Variants in VWC2L observed in about 807,000 individuals in gnomAD.
VWC2L encodes von Willebrand factor C domain containing 2 like.
Under a neutral mutation model 21.6 loss-of-function variants are expected in VWC2L, and 10 were observed. That is an observed-to-expected ratio of 0.46 (90% CI 0.29 to 0.78). The LOEUF is 0.78. Among genes scored for constraint, VWC2L ranks in the 30% least tolerant of loss-of-function variants. VWC2L has a pLI of 0.10. For synonymous variants in VWC2L, 96 were observed against 94.3 expected, an observed-to-expected ratio of 1.02 and a Z score of -0.10; for missense variants, 209 against 277.1, an observed-to-expected ratio of 0.75 and a Z score of 1.74.
chr2:214,543,400 G>A (rs1689658066), intron 3 of VWC2L, among the ~76,000 whole-genome samples: 1 of 152,140 alleles, frequency 6.6e-6, no homozygotes, highest in Non-Finnish European at 1.5e-5. Flanking sequence ...GAATTATAGG[G>A]AAAAGCTAAT....
At chr2:214,432,231 G>A (rs1702610854) in intron 2 of VWC2L, among the ~76,000 whole-genome samples, 1 of 152,190 alleles carries the variant, frequency 6.6e-6, no homozygotes, top group Non-Finnish European at 1.5e-5. Context: ...TATCTGTCAT[G>A]TGCTAAGATG....
intron 2 of VWC2L, among the ~76,000 whole-genome samples, chr2:214,421,288 G>A (rs1328866935): frequency 6.6e-6 from 1 of 152,170 alleles, no homozygotes; most frequent in East Asian, 1.9e-4. Context: ...TTCTAAAAGA[G>A]AGTAGAATTA....
At chr2:214,551,976 T>A (rs1179510494) in intron 3 of VWC2L, among the ~76,000 whole-genome samples, 1 of 152,242 alleles carries the variant, frequency 6.6e-6, no homozygotes, top group Non-Finnish European at 1.5e-5. Flanking sequence ...AACTTACCTG[T>A]CCCCATCCTT....
chr2:214,472,607 G>T (rs1291855333), intron 3 of VWC2L, among the ~76,000 whole-genome samples: 1 of 152,152 alleles, frequency 6.6e-6, no homozygotes, highest in Non-Finnish European at 1.5e-5. Flanking sequence ...TTGATACAGA[G>T]CATTACCCAA....
chr2:214,535,581 C>T (rs1464458104), intron 3 of VWC2L, among the ~76,000 whole-genome samples: 1 of 152,026 alleles, frequency 6.6e-6, no homozygotes, highest in Non-Finnish European at 1.5e-5. Context: ...CAGCACTGTG[C>T]TTATAAACCA....
chr2:214,483,619 C>T (rs1476130473), intron 3 of VWC2L, among the ~76,000 whole-genome samples: 3 of 152,198 alleles, frequency 2.0e-5, no homozygotes, highest in Non-Finnish European at 4.4e-5. Flanking sequence ...AAATAGATCA[C>T]TGCTTCCTGT....
At chr2:214,522,171 C>T (rs1689251280) in intron 3 of VWC2L, among the ~76,000 whole-genome samples, 1 of 152,000 alleles carries the variant, frequency 6.6e-6, no homozygotes, top group Non-Finnish European at 1.5e-5. Context: ...GTCAGGAGAT[C>T]AAGACCACCC....
intron 3 of VWC2L, among the ~76,000 whole-genome samples, chr2:214,501,700 T>C (rs12694333): frequency 1 from 144,862 of 145,564 alleles, 72,082 homozygotes; most frequent in East Asian, 1. Context: ...CCAGCCTGGG[T>C]GACAGAGCAA....
At chr2:214,476,775 T>C (rs998672344) in intron 3 of VWC2L, among the ~76,000 whole-genome samples, 6 of 152,164 alleles carry the variant, frequency 3.9e-5, no homozygotes, top group Non-Finnish European at 7.3e-5. Context: ...TTTCCCTTTC[T>C]CTCTCTCTCC....
At chr2:214,562,571 G>A (rs934526016) in intron 3 of VWC2L, among the ~76,000 whole-genome samples, 21 of 152,160 alleles carry the variant, frequency 1.4e-4, no homozygotes, top group African/African-American at 2.4e-4. Context: ...TCAGCACACC[G>A]TCTTCCACAG....
chr2:214,448,621 G>T (rs760667251), intron 3 of VWC2L, among the ~76,000 whole-genome samples: 2 of 152,102 alleles, frequency 1.3e-5, no homozygotes, highest in Non-Finnish European at 2.9e-5. Flanking sequence ...GATACCTAAA[G>T]CTCCTGTTTA....
intron 3 of VWC2L, among the ~76,000 whole-genome samples, chr2:214,519,808 G>A (rs959278431): frequency 6.6e-6 from 1 of 152,026 alleles, no homozygotes; most frequent in East Asian, 1.9e-4. Context: ...ACTCCCCCTA[G>A]GTTCACACGC....
At chr2:214,444,412 C>T (rs2126181921) in intron 3 of VWC2L, among the ~76,000 whole-genome samples, 1 of 151,952 alleles carries the variant, frequency 6.6e-6, no homozygotes, top group Non-Finnish European at 1.5e-5. Context: ...ACAAAAGCCA[C>T]AAAGTTTATT....
intron 3 of VWC2L, among the ~76,000 whole-genome samples, chr2:214,551,392 A>G (rs1239677217): frequency 6.6e-6 from 1 of 152,240 alleles, no homozygotes; most frequent in Non-Finnish European, 1.5e-5. Context: ...GCTGGTGGGC[A>G]GTTTCAGTGC....
At chr2:214,526,985 A>G (rs1689349159) in intron 3 of VWC2L, among the ~76,000 whole-genome samples, 1 of 152,234 alleles carries the variant, frequency 6.6e-6, no homozygotes, top group East Asian at 1.9e-4. Context: ...GATTGGATAA[A>G]GAAAATATGA....
At chr2:214,540,902 C>A (rs1010974774) in intron 3 of VWC2L, among the ~76,000 whole-genome samples, 2 of 152,184 alleles carry the variant, frequency 1.3e-5, no homozygotes, top group African/African-American at 4.8e-5. Context: ...GCAACACATG[C>A]AAAGCAGTCA....
At chr2:214,535,391 C>T (rs1689509571) in intron 3 of VWC2L, among the ~76,000 whole-genome samples, 1 of 152,014 alleles carries the variant, frequency 6.6e-6, no homozygotes. Flanking sequence ...GATTCTCATA[C>T]CATATCATGC....
At chr2:214,451,763 G>C (rs1702957754) in intron 3 of VWC2L, among the ~76,000 whole-genome samples, 1 of 152,102 alleles carries the variant, frequency 6.6e-6, no homozygotes, top group African/African-American at 2.4e-5. Flanking sequence ...GTATTATAAA[G>C]AAGTGCTTGT....
intron 3 of VWC2L, among the ~76,000 whole-genome samples, chr2:214,514,017 G>C (rs976077484): frequency 6.6e-6 from 1 of 152,066 alleles, no homozygotes; most frequent in Admixed American, 6.5e-5. Context: ...AGTATCTTTG[G>C]CTTGGGGTTT....
Sources: gnomAD v4.1 joint callset for allele counts (sites outside exome capture counted in the v4.1 genomes callset) on GRCh38, gnomAD v4.1.1 for gene constraint, MANE v1.5 for transcripts, NCBI Gene and HGNC (gene_info 2026-07-23, HGNC 2026-07-21) for gene names.